Variants in TECRL observed in about 807,000 individuals in gnomAD.
TECRL encodes trans-2,3-enoyl-CoA reductase-like.
Under a neutral mutation model 52.8 loss-of-function variants are expected in TECRL, and 63 were observed. That is an observed-to-expected ratio of 1.19 (90% CI 0.97 to 1.47). The LOEUF is 1.47. Among genes scored for constraint, TECRL ranks in the 40% most tolerant of loss-of-function variants. The pLI is 0.00. For missense variants in TECRL, 482 were observed against 429.6 expected, an observed-to-expected ratio of 1.12 and a Z score of -1.08; for synonymous variants, 164 against 141.9, an observed-to-expected ratio of 1.16 and a Z score of -1.10.
At chr4:64,305,317 C>T (rs1724266680) in intron 6 of TECRL, 79 bp from the exon 7 acceptor site, 3 of 1,250,860 alleles carry the variant, frequency 2.4e-6, no homozygotes, top group Non-Finnish European at 3.4e-6. Context: ...ATTTATATTA[C>T]ATGCATGTCA....
chr4:64,288,582 CAA>C (rs758772269), intron 9 of TECRL, among the ~76,000 whole-genome samples: 30 of 152,142 alleles, frequency 2.0e-4, no homozygotes, highest in Non-Finnish European at 3.7e-4. Flanking sequence ...TAACGTGCAA[CAA>C]AAAGTGGATT....
chr4:64,294,884 A>T (rs1326029328), intron 8 of TECRL, among the ~76,000 whole-genome samples: 1 of 152,084 alleles, frequency 6.6e-6, no homozygotes, highest in Non-Finnish European at 1.5e-5. Context: ...AAATTTATTA[A>T]CTATTCTGAT....
intron 2 of TECRL, among the ~76,000 whole-genome samples, chr4:64,356,678 G>C (rs1232965507): frequency 1.3e-5 from 2 of 152,134 alleles, no homozygotes; most frequent in African/African-American, 2.4e-5. Flanking sequence ...TGCTGAGATA[G>C]TGAAAATAGT....
chr4:64,313,639 G>A lies in TECRL; in HGVS notation c.551+1009C>T, dbSNP rs1411549537. ...TGGGACTACAGGCACCCGCCACCAC[G>A]CCTGGCTAATTTTTTGTATTTTTAG... On this transcript the variant is annotated intron_variant, in intron 5 of 11. Transcript: ENST00000381210. Among the ~76,000 whole-genome samples, 10 of 150,082 alleles carry A rather than the reference G, an allele frequency of 6.7e-5. No homozygotes were observed. The South Asian group carries it at 1.5e-3, about 22-fold the overall frequency.
chr4:64,327,690 T>C (rs1201559555), intron 3 of TECRL, among the ~76,000 whole-genome samples: 1 of 152,042 alleles, frequency 6.6e-6, no homozygotes, highest in Non-Finnish European at 1.5e-5. Flanking sequence ...CGATTAAATG[T>C]TTAAGACAGC....
chr4:64,315,331 G>C (rs1223132527), intron 4 of TECRL, among the ~76,000 whole-genome samples: 4 of 152,072 alleles, frequency 2.6e-5, no homozygotes, highest in Admixed American at 2.6e-4. Flanking sequence ...TGCTTGAGCT[G>C]AGTGGGGGTA....
intron 1 of TECRL, among the ~76,000 whole-genome samples, chr4:64,400,722 C>A (rs1724295592): frequency 6.6e-6 from 1 of 152,042 alleles, no homozygotes; most frequent in Non-Finnish European, 1.5e-5. Context: ...GCCATCTCCC[C>A]TCTCTTCCTC....
chr4:64,334,344 C>A (rs966960356), intron 2 of TECRL, among the ~76,000 whole-genome samples: 6 of 152,098 alleles, frequency 3.9e-5, no homozygotes, highest in Admixed American at 2.0e-4. Flanking sequence ...CCATTTTATT[C>A]TCTGTAAACC....
chr4:64,354,144 G>A (rs1438782379), intron 2 of TECRL, among the ~76,000 whole-genome samples: 13 of 152,284 alleles, frequency 8.5e-5, no homozygotes. Context: ...CCATTTTGAA[G>A]TGAGTGTTAA....
chr4:64,404,787 T>C (rs1454888305), intron 1 of TECRL, among the ~76,000 whole-genome samples: 2 of 152,102 alleles, frequency 1.3e-5, no homozygotes, highest in Non-Finnish European at 2.9e-5. Flanking sequence ...TTTATGTGAA[T>C]GTATGAACAA....
At chr4:64,282,949 T>C (rs1722899487) in intron 9 of TECRL, among the ~76,000 whole-genome samples, 1 of 152,034 alleles carries the variant, frequency 6.6e-6, no homozygotes. Flanking sequence ...TACATTAAAA[T>C]GCTGCCCCAC....
chr4:64,386,189 G>T (rs1304328204), intron 1 of TECRL, among the ~76,000 whole-genome samples: 1 of 151,924 alleles, frequency 6.6e-6, no homozygotes, highest in East Asian at 1.9e-4. Context: ...AACACATACT[G>T]CATCTATATA....
At chr4:64,321,999 A>C (rs934526660) in intron 4 of TECRL, among the ~76,000 whole-genome samples, 1 of 152,212 alleles carries the variant, frequency 6.6e-6, no homozygotes, top group African/African-American at 2.4e-5. Context: ...TAGGTGGAGC[A>C]GATGAAACCA....
intron 8 of TECRL, among the ~76,000 whole-genome samples, chr4:64,293,635 T>C (rs1469095836): frequency 6.8e-6 from 1 of 148,062 alleles, no homozygotes; most frequent in Non-Finnish European, 1.5e-5. Context: ...CAGCTTGCAA[T>C]GATCCACTTT....
At position 64,281,066 on chromosome 4, in the gene TECRL, G is replaced by C. The variant is rs754459121; in HGVS notation, c.939C>G (p.Phe313Leu). 2.5e-6 allele frequency: 4 copies of C among 1,602,158 alleles called. No homozygotes were observed. In the Admixed American group the frequency reaches 5.0e-5, roughly 20 times the overall value. The change falls in exon 11 of 12, where the codon TTC becomes TTG. Residue 313 changes from phenylalanine to leucine, a missense_variant. Physicochemically the swap from Phe to Leu is conservative, Grantham distance 22. Transcript: ENST00000381210. ...CTGGCAGTGTTTGTGTCATGACTGT[G>C]AAACTAATCCATGATCCAATCTGTT... is the stretch of plus-strand genomic sequence containing the variant. ...YTYEIGSWISFTVMTQTLPVG... is the reference protein window; with the variant it reads ...YTYEIGSWISLTVMTQTLPVG...
At chr4:64,332,562 T>C (rs748430077) in intron 2 of TECRL, among the ~76,000 whole-genome samples, 28 of 152,056 alleles carry the variant, frequency 1.8e-4, no homozygotes, top group Non-Finnish European at 3.2e-4. Context: ...ATTAAAAAGG[T>C]ATTATAGAGA....
rs145133368 is a variant in TECRL at position 64,356,200 on chromosome 4, A to G, written c.286+18972T>C. Among the ~76,000 whole-genome samples the G allele has an allele frequency of 4.9e-3, 744 of 152,330 alleles. 2 individuals are homozygous for G. The highest frequency in any genetic ancestry group is 0.017 in the African/African-American group (703 of 41,566). ...AGCTGCAGAGACCTCTGCCCTGGAAAGCCGGGTATTGTCCAAGGTTTCTCC... is the reference window on the plus strand; with the variant it reads ...AGCTGCAGAGACCTCTGCCCTGGAAGGCCGGGTATTGTCCAAGGTTTCTCC... On this transcript the variant is annotated intron_variant, in intron 2 of 11. Transcript: ENST00000381210.
intron 2 of TECRL, among the ~76,000 whole-genome samples, chr4:64,339,666 T>G (rs751781409): frequency 1.1e-4 from 17 of 152,114 alleles, no homozygotes; most frequent in Non-Finnish European, 2.4e-4. Context: ...TTTAGGTCCT[T>G]GATCTACTCA....
intron 8 of TECRL, among the ~76,000 whole-genome samples, chr4:64,297,107 A>G (rs1723730303): frequency 6.6e-6 from 1 of 151,584 alleles, no homozygotes; most frequent in Admixed American, 6.6e-5. Context: ...CATATTATGT[A>G]TACATTGTAA....
Sources: gnomAD v4.1 joint callset for allele counts (sites outside exome capture counted in the v4.1 genomes callset) on GRCh38, gnomAD v4.1.1 for gene constraint, MANE v1.5 for transcripts, NCBI Gene and HGNC (gene_info 2026-07-23, HGNC 2026-07-21) for gene names.